The following CENPC variants were observed in gnomAD, a reference collection of about 807,000 sequenced individuals.
CENPC encodes the protein centromere protein C.
CENPC carries 63 observed loss-of-function variants against 112.1 expected under a neutral mutation model. The ratio of observed to expected loss-of-function variants is 0.56; its 90% CI spans 0.46 to 0.69. The LOEUF is 0.69. Ranked by LOEUF, CENPC falls within the 30% of genes least tolerant of loss-of-function variation. The pLI is 0.00. For missense variants in CENPC, 1,000 were observed against 1,103.8 expected, an observed-to-expected ratio of 0.91 and a Z score of 1.33; for synonymous variants, 333 against 367.6, an observed-to-expected ratio of 0.91 and a Z score of 1.08.
intron 9 of CENPC, 47 bp downstream of exon 9, chr4:67,512,355 G>A (rs1260611288): frequency 7.4e-7 from 1 of 1,357,740 alleles, no homozygotes; most frequent in Non-Finnish European, 1.0e-6. Flanking sequence ...GCCCCTTACA[G>A]AATGATTTTG....
intron 5 of CENPC, 129 bp from the exon 6 acceptor site, chr4:67,519,631 G>T: frequency 1.5e-6 from 1 of 652,618 alleles, no homozygotes; most frequent in Non-Finnish European, 2.4e-6. Context: ...ATTAAGATTA[G>T]AATCAAAGAT....
chr4:67,531,906 A>C (rs540609611), intron 4 of CENPC, among the ~76,000 whole-genome samples: 31 of 152,344 alleles, frequency 2.0e-4, no homozygotes, highest in Non-Finnish European at 3.8e-4. Flanking sequence ...GGATCTAATT[A>C]AACTAAAGAG....
rs1725018960 is a variant in CENPC at position 67,483,846 on chromosome 4, G to C, written c.2670+6121C>G. On this transcript the variant is annotated intron_variant, in intron 17 of 18. Transcript: ENST00000273853. ...TAAAATATTTTTGTACAGCCAAACA[G>C]TATGGTTGAATTTTAAGTATTACAA... 2.0e-5 allele frequency among the ~76,000 whole-genome samples: 3 copies of C among 152,122 alleles called. No homozygotes were observed. The South Asian group carries it at 6.2e-4, about 32-fold the overall frequency.
chr4:67,536,063 TAA>T (rs1475920452), intron 4 of CENPC, among the ~76,000 whole-genome samples: 1 of 151,996 alleles, frequency 6.6e-6, no homozygotes, highest in Non-Finnish European at 1.5e-5. Flanking sequence ...GGGAAGAGAA[TAA>T]AATAGTGAAC....
Position 67,492,878 on chromosome 4 carries a change from C to T in CENPC, c.2410G>A (p.Asp804Asn). ...SNKKRICLDN[D>N]ERKTNLMVNL... ...AGAAATAAGTTCATACTTCTTTCATCGTTATCAAGACAGATCCTTTTCTTA... is the reference window on the plus strand; with the variant it reads ...AGAAATAAGTTCATACTTCTTTCATTGTTATCAAGACAGATCCTTTTCTTA... The change falls in exon 15 of 19, where the codon GAT (aspartate) becomes AAT (asparagine). Residue 804 changes from aspartate (D) to asparagine (N), a missense_variant. Physicochemically the swap from Asp to Asn is conservative, Grantham distance 23. Transcript: ENST00000273853. 3.9e-6 allele frequency: 6 copies of T among 1,554,030 alleles called. No homozygotes were observed. Among genetic ancestry groups the T allele is most frequent in the Middle Eastern group, 3.4e-4 (2 of 5,816 alleles).
intron 17 of CENPC, among the ~76,000 whole-genome samples, chr4:67,483,182 AC>A (rs933265603): frequency 1.3e-5 from 2 of 151,994 alleles, no homozygotes; most frequent in African/African-American, 4.8e-5. Flanking sequence ...TTTCAAAATT[AC>A]CCAGTCTTGG....
chr4:67,504,382 C>T (rs1018903951), intron 12 of CENPC, among the ~76,000 whole-genome samples: 16 of 151,234 alleles, frequency 1.1e-4, no homozygotes, highest in African/African-American at 1.7e-4. Flanking sequence ...AATCTAATGA[C>T]GGGGGAAAAA....
chr4:67,477,072 G>C (rs1342352983), intron 17 of CENPC, among the ~76,000 whole-genome samples: 2 of 152,200 alleles, frequency 1.3e-5, no homozygotes, highest in African/African-American at 2.4e-5. Flanking sequence ...GCACCTGATG[G>C]TCTTTCTCTA....
chr4:67,502,566 T>A (rs962879444), intron 12 of CENPC, among the ~76,000 whole-genome samples: 1 of 152,158 alleles, frequency 6.6e-6, no homozygotes, highest in African/African-American at 2.4e-5. Flanking sequence ...GAAATGTACA[T>A]AACAAAGACT....
chr4:67,525,262 C>T (rs914002630), intron 5 of CENPC, among the ~76,000 whole-genome samples: 6 of 152,148 alleles, frequency 3.9e-5, no homozygotes, highest in African/African-American at 1.4e-4. Context: ...AGGACATAAG[C>T]ATGGGCAAAG....
intron 12 of CENPC, among the ~76,000 whole-genome samples, chr4:67,497,856 G>A (rs1277578399): frequency 6.6e-6 from 1 of 151,518 alleles, no homozygotes; most frequent in African/African-American, 2.4e-5. Context: ...CTATACTATA[G>A]TCTATTAAAT....
intron 4 of CENPC, among the ~76,000 whole-genome samples, chr4:67,536,221 A>T (rs1387371630): frequency 6.6e-6 from 1 of 152,188 alleles, no homozygotes; most frequent in Non-Finnish European, 1.5e-5. Flanking sequence ...ACAAATTGAG[A>T]ACAGAGGAAA....
At chr4:67,513,991 A>C in intron 8 of CENPC, 83 bp downstream of exon 8, 1 of 1,340,066 alleles carries the variant, frequency 7.5e-7, no homozygotes, top group South Asian at 1.7e-5. Flanking sequence ...TACTTTGCCT[A>C]CTTGCCAAAG....
intron 17 of CENPC, 148 bp downstream of exon 17, chr4:67,489,818 TA>T: frequency 3.2e-6 from 2 of 621,340 alleles, no homozygotes; most frequent in Non-Finnish European, 2.6e-6. Context: ...TGGTTGACTC[TA>T]AACAGATTTA....
intron 4 of CENPC, among the ~76,000 whole-genome samples, chr4:67,537,915 T>G (rs1726775419): frequency 6.6e-6 from 1 of 152,146 alleles, no homozygotes. Context: ...CAGGAAAAGT[T>G]CAAGGCTTCA....
intron 17 of CENPC, among the ~76,000 whole-genome samples, chr4:67,483,597 T>G (rs7684149): frequency 0.87 from 132,097 of 151,734 alleles, 57,681 homozygotes; most frequent in East Asian, 0.93. Flanking sequence ...GGTCCCTCAG[T>G]AAGTATTCCA....
At chr4:67,472,927 C>T (rs1319026895) in intron 18 of CENPC, among the ~76,000 whole-genome samples, 4 of 152,056 alleles carry the variant, frequency 2.6e-5, no homozygotes, top group East Asian at 3.9e-4. Context: ...ATGAATCAGT[C>T]GAGAGTGTAA....
intron 17 of CENPC, among the ~76,000 whole-genome samples, chr4:67,475,779 T>C (rs1724788330): frequency 6.6e-6 from 1 of 152,150 alleles, no homozygotes; most frequent in Admixed American, 6.5e-5. Flanking sequence ...TTTTTTGTAT[T>C]TTTAGTAGAG....
chr4:67,502,293 C>T (rs990802737), intron 12 of CENPC, among the ~76,000 whole-genome samples: 19 of 151,926 alleles, frequency 1.3e-4, no homozygotes, highest in African/African-American at 4.6e-4. Context: ...ATATATTAAA[C>T]AATTTATTAA....
Sources: allele counts gnomAD v4.1 joint callset (sites outside exome capture counted in the v4.1 genomes callset), GRCh38; gene constraint gnomAD v4.1.1; transcripts MANE v1.5; gene names NCBI Gene and HGNC (gene_info 2026-07-23, HGNC 2026-07-21).